Variants in RNF168 observed in about 807,000 individuals in gnomAD.
The protein encoded by RNF168 is E3 ubiquitin-protein ligase RNF168.
In RNF168, 34 loss-of-function variants were observed where a neutral mutation model predicts 34.9. The observed-to-expected ratio is 0.97, with a 90% confidence interval of 0.74 to 1.30. The LOEUF (loss-of-function observed/expected upper bound fraction) is 1.30. Ranked by LOEUF, RNF168 falls within the 50% of genes most tolerant of loss-of-function variation. The pLI is 0.00. For missense variants in RNF168, 725 were observed against 682.5 expected (o/e 1.06, Z -0.69); for synonymous variants, 264 against 254.7 (o/e 1.04, Z -0.35).
intron 1 of RNF168, among the ~76,000 whole-genome samples, chr3:196,495,380 A>G (rs1409293992): frequency 1.3e-5 from 2 of 152,222 alleles, no homozygotes; most frequent in Admixed American, 1.3e-4. Flanking sequence ...CATGTCTTTA[A>G]TAACAACCTT....
intron 4 of RNF168, among the ~76,000 whole-genome samples, chr3:196,478,151 T>C (rs1474707610): frequency 6.6e-6 from 1 of 152,182 alleles, no homozygotes; most frequent in Non-Finnish European, 1.5e-5. Context: ...CTTTTTTTTT[T>C]CTTTTTTCCT....
In RNF168 at chr3:196,475,238, A is replaced by G; in HGVS notation, c.755T>C (p.Val252Ala). 6.3e-7 allele frequency: 1 copy of G among 1,585,912 alleles called. No homozygotes were observed. The highest frequency in any genetic ancestry group is 8.7e-7 in the Non-Finnish European group (1 of 1,154,270). ...EAVQEVRKDS[V>A]SKDIDSSDRK... ...TCTTCAGTATCAACATACCTTAGAT[A>G]CGGAGTCTTTCCTGACTTCTTGTAC... Residue 252 changes from valine (V) to alanine (A), a missense_variant, in exon 5 of 6, where the codon GTA (valine) becomes GCA (alanine). Physicochemically the swap from Val to Ala is moderately conservative, Grantham distance 64 (BLOSUM62 0). Coordinates refer to ENST00000318037, the MANE Select transcript of RNF168 (RefSeq NM_152617.4).
chr3:196,475,013 C>A (rs1732108657), intron 5 of RNF168: 4 of 524,330 alleles, frequency 7.6e-6, no homozygotes, highest in Non-Finnish European at 1.4e-5. Context: ...TATTCACTCT[C>A]TTAGAGAAAA....
intron 1 of RNF168, among the ~76,000 whole-genome samples, chr3:196,500,181 C>T (rs541587515): frequency 6.6e-6 from 1 of 152,098 alleles, no homozygotes; most frequent in Non-Finnish European, 1.5e-5. Flanking sequence ...AGAAAACAGG[C>T]CCCTGAACAG....
intron 3 of RNF168, among the ~76,000 whole-genome samples, chr3:196,487,040 G>A (rs983952872): frequency 6.6e-6 from 1 of 152,222 alleles, no homozygotes; most frequent in African/African-American, 2.4e-5. Flanking sequence ...GCATGACAGA[G>A]TAAGACCTGT....
rs1043878385 is a variant in RNF168 at position 196,487,399 on chromosome 3, A to C, written c.558T>G (p.Ile186Met). The C allele has an allele frequency of 6.2e-7, 1 of 1,613,494 alleles. No individual in the cohort carries two copies. The highest frequency in any genetic ancestry group is 1.3e-5 in the African/African-American group (1 of 75,024). The change falls in exon 3 of 6, where the codon ATT becomes ATG. Residue 186 changes from isoleucine to methionine, a missense_variant and splice_region_variant. Coordinates refer to ENST00000318037, the MANE Select transcript of RNF168 (RefSeq NM_152617.4). Reference sequence around the variant, plus strand: ...CTTAGCGTTCCCTCCTAAAACTTACAATATCAATGCTTAGCTTTCTTGCCA... The same window carrying C: ...CTTAGCGTTCCCTCCTAAAACTTACCATATCAATGCTTAGCTTTCTTGCCA... ...EELARKLSID[I>M]NNFCEGSISA...
rs1332232586 is a variant in RNF168 at position 196,489,459 on chromosome 3, T to G, written c.302-776A>C. On this transcript the variant is annotated intron_variant, in intron 1 of 5. Coordinates refer to ENST00000318037, the MANE Select transcript of RNF168 (RefSeq NM_152617.4). ...ATTGTGCCTCAGTGTCCTGAGTAGC[T>G]GGGATCACAGGCATGCCCAACCATG... is the stretch of plus-strand genomic sequence containing the variant. Among the ~76,000 whole-genome samples, 3 of 152,004 alleles carry G rather than the reference T, an allele frequency of 2.0e-5. No homozygotes were observed. In the South Asian group the frequency reaches 6.2e-4, roughly 32 times the overall value.
chr3:196,474,464 T>C (rs1218332520), intron 5 of RNF168, among the ~76,000 whole-genome samples: 2 of 149,080 alleles, frequency 1.3e-5, no homozygotes, highest in Non-Finnish European at 3.0e-5. Context: ...TTTTTTTTTT[T>C]GAAACAGAGT....
intron 1 of RNF168, among the ~76,000 whole-genome samples, chr3:196,492,938 G>A (rs1267696341): frequency 1.3e-5 from 2 of 151,996 alleles, no homozygotes; most frequent in African/African-American, 2.4e-5. Context: ...GAGTTAAGAT[G>A]CCTACCTCAT....
intron 5 of RNF168, among the ~76,000 whole-genome samples, chr3:196,474,291 ATT>A (rs71694194): frequency 1.3e-3 from 181 of 135,352 alleles, no homozygotes; most frequent in Non-Finnish European, 1.4e-3. Flanking sequence ...CACCTGGCTA[ATT>A]TTTTTTTTTT....
intron 3 of RNF168, among the ~76,000 whole-genome samples, chr3:196,487,060 C>CA (rs962314185): frequency 5.1e-4 from 78 of 152,240 alleles, no homozygotes; most frequent in African/African-American, 1.8e-3. Context: ...TCTCAAAAAA[C>CA]AAAAAACCCC....
rs1420280756 is a variant in RNF168, at chr3:196,486,847, C to T, written c.558+552G>A. On this transcript the variant is annotated intron_variant, in intron 3 of 5. Transcript: ENST00000318037. ...ACTTTGAGACGCCGAGGCAGATGGACGGCTTGAGCCCAGGAGCTCGACACC... is the reference window on the plus strand; with the variant it reads ...ACTTTGAGACGCCGAGGCAGATGGATGGCTTGAGCCCAGGAGCTCGACACC... Among the ~76,000 whole-genome samples the T allele has an allele frequency of 3.9e-5, 6 of 152,182 alleles. No homozygotes were observed. In the East Asian group the frequency reaches 7.7e-4, roughly 20 times the overall value.
chr3:196,499,053 T>G (rs1367616782), intron 1 of RNF168, among the ~76,000 whole-genome samples: 1 of 151,894 alleles, frequency 6.6e-6, no homozygotes, highest in Non-Finnish European at 1.5e-5. Flanking sequence ...AAGATATGCT[T>G]AAGTCCTAAC....
chr3:196,475,486 T>A (rs1732123160), intron 4 of RNF168, 174 bp from the exon 5 acceptor site: 1 of 615,906 alleles, frequency 1.6e-6, no homozygotes, highest in African/African-American at 1.8e-5. Context: ...AAAACTTAAA[T>A]GATTGAGTAT....
intron 1 of RNF168, among the ~76,000 whole-genome samples, chr3:196,495,109 A>T (rs1011740336): frequency 2.6e-5 from 4 of 152,240 alleles, no homozygotes; most frequent in African/African-American, 9.6e-5. Context: ...TTGCAAAAAT[A>T]GTATGATAAA....
intron 4 of RNF168, among the ~76,000 whole-genome samples, chr3:196,478,238 C>G (rs1732195857): frequency 6.6e-6 from 1 of 152,024 alleles, no homozygotes; most frequent in Admixed American, 6.5e-5. Context: ...AAGCTGCCTC[C>G]TTACGTATTT....
rs774998312 is a variant in RNF168, at chr3:196,503,006, G to T, written c.168C>A (p.Arg56=). 2.2e-5 allele frequency: 36 copies of T among 1,614,102 alleles called. No homozygotes were observed. Among genetic ancestry groups the T allele is most frequent in the Non-Finnish European group, 3.1e-5 (36 of 1,180,018 alleles). The stretch of plus-strand genomic sequence containing the variant: ...GGTACCGAGTCCACGACGATACCCG[G>T]CGGCGACAGAAGGGACAGCATAAAC... ...KASLCCPFCR[R]RVSSWTRYHT... is the part of the protein sequence containing the mutation. The change falls in exon 1 of 6, where the codon CGC becomes CGA. Residue 56 remains arginine (R), a synonymous_variant. Coordinates refer to ENST00000318037, the MANE Select transcript of RNF168 (RefSeq NM_152617.4).
intron 1 of RNF168, 113 bp from the exon 2 acceptor site, chr3:196,488,796 T>C (rs1732520091): frequency 1.9e-6 from 1 of 529,988 alleles, no homozygotes; most frequent in African/African-American, 2.0e-5. Flanking sequence ...ACTGCAGCAA[T>C]ATCTCCTTTT....
intron 2 of RNF168, among the ~76,000 whole-genome samples, chr3:196,487,793 C>G (rs1018204505): frequency 2.0e-5 from 3 of 152,166 alleles, no homozygotes; most frequent in Admixed American, 6.5e-5. Flanking sequence ...GCCTCCACAC[C>G]TAGCCTGAGA....
Sources: allele counts gnomAD v4.1 joint callset (sites outside exome capture counted in the v4.1 genomes callset), GRCh38; gene constraint gnomAD v4.1.1; transcripts MANE v1.5; gene names NCBI Gene and HGNC (gene_info 2026-07-23, HGNC 2026-07-21).